NFIA: variants seen among roughly 807,000 people sequenced by gnomAD.
NFIA encodes the protein nuclear factor I A.
In NFIA, 8 loss-of-function variants were observed where a neutral mutation model predicts 62.8. The ratio of observed to expected loss-of-function variants is 0.13; its 90% CI spans 0.07 to 0.23. The LOEUF is 0.23. Among genes scored for constraint, NFIA ranks in the 10% least tolerant of loss-of-function variants. NFIA has a pLI of 1.00. For missense variants in NFIA, 410 were observed against 642.1 expected, an observed-to-expected ratio of 0.64 and a Z score of 3.91; for synonymous variants, 235 against 238.1, an observed-to-expected ratio of 0.99 and a Z score of 0.12.
chr1:61,448,981 T>C (rs72917833), intron 10 of NFIA, among the ~76,000 whole-genome samples: 2,207 of 152,304 alleles, frequency 0.014, 50 homozygotes, highest in African/African-American at 0.05. Context: ...ATTAGTGTTT[T>C]CCCGTCTTGA....
chr1:61,132,361 A>G (rs1007103981), intron 2 of NFIA, among the ~76,000 whole-genome samples: 1 of 152,218 alleles, frequency 6.6e-6, no homozygotes, highest in Non-Finnish European at 1.5e-5. Context: ...GACTTCCACC[A>G]TCAGTTTCAG....
chr1:61,196,941 G>GCA (rs2100583306), intron 2 of NFIA, among the ~76,000 whole-genome samples: 1 of 129,502 alleles, frequency 7.7e-6, no homozygotes, highest in African/African-American at 3.1e-5. Flanking sequence ...GTGTGTGTGT[G>GCA]CGCGCGCGCG....
intron 2 of NFIA, among the ~76,000 whole-genome samples, chr1:61,142,443 G>A (rs1422599697): frequency 6.6e-6 from 1 of 152,124 alleles, no homozygotes; most frequent in Admixed American, 6.6e-5. Flanking sequence ...CTTACAAGAA[G>A]CATATTTCAG....
chr1:61,462,024 G>GTTTTTTTTTTTTTTTTTTGTT lies in NFIA; in HGVS notation c.*6723_*6724insTTTTTTTTTTTTTTTTTTTTG, dbSNP rs1668554989. The GTTTTTTTTTTTTTTTTTTGTT allele has an allele frequency of 5.5e-5, 4 of 73,206 alleles. No homozygotes were observed. Among genetic ancestry groups the GTTTTTTTTTTTTTTTTTTGTT allele is most frequent in the African/African-American group, 1.3e-4 (2 of 14,896 alleles). 4.5% of individuals were successfully genotyped at this position (73,206 alleles called of 1,614,324 possible). A position where few individuals can be genotyped will look rare whatever the true frequency, so the allele number is the denominator to read the frequency against. On this transcript the variant is annotated 3_prime_UTR_variant, in exon 11 of 11. Coordinates refer to ENST00000403491, the MANE Select transcript of NFIA (RefSeq NM_001134673.4). ...ATAGTCTGTAAGTTAGCCTTTTTGG[G>GTTTTTTTTTTTTTTTTTTGTT]TTTTTTTTTTTTTTTTTTGGCTTTT...
chr1:61,315,713 C>A (rs1400616307), intron 3 of NFIA, among the ~76,000 whole-genome samples: 1 of 152,114 alleles, frequency 6.6e-6, no homozygotes, highest in East Asian at 1.9e-4. Flanking sequence ...CATTATGTAG[C>A]CTGTTGTTGC....
At chr1:61,099,406 C>T (rs901558834) in intron 2 of NFIA, among the ~76,000 whole-genome samples, 1 of 152,130 alleles carries the variant, frequency 6.6e-6, no homozygotes, top group Non-Finnish European at 1.5e-5. Context: ...CAGCATTAAC[C>T]ATTCATTTTG....
chr1:61,189,446 C>G (rs1242858641), intron 2 of NFIA, among the ~76,000 whole-genome samples: 1 of 152,126 alleles, frequency 6.6e-6, no homozygotes, highest in Non-Finnish European at 1.5e-5. Context: ...GTGGGCTGAT[C>G]ATGAGGTCAG....
intron 2 of NFIA, chr1:61,250,098 A>G (rs1655929304): frequency 6.6e-6 from 1 of 152,188 alleles, no homozygotes; most frequent in Non-Finnish European, 1.5e-5. Flanking sequence ...TGCTGGGTGC[A>G]AGGTACGGTT....
chr1:61,186,060 A>G (rs552242383), intron 2 of NFIA, among the ~76,000 whole-genome samples: 94 of 152,238 alleles, frequency 6.2e-4, no homozygotes, highest in African/African-American at 2.1e-3. Flanking sequence ...AAAATATTTC[A>G]TTTACCTTAA....
intron 8 of NFIA, among the ~76,000 whole-genome samples, chr1:61,404,735 T>C (rs1035630963): frequency 2.6e-5 from 4 of 152,238 alleles, no homozygotes; most frequent in Non-Finnish European, 4.4e-5. Context: ...TGTAACACTT[T>C]AGATCAAGTT....
chr1:61,462,659 T>C lies in NFIA; in HGVS notation c.*7339T>C, dbSNP rs1331364773. On this transcript the variant is annotated 3_prime_UTR_variant, in exon 11 of 11. Coordinates refer to ENST00000403491, the MANE Select transcript of NFIA (RefSeq NM_001134673.4). ...AATCTCCACAGGTTTTTTGAGCTGG[T>C]GTGGATTAGTTTAACTCTTGTATTC... 6.6e-6 allele frequency: 1 copy of C among 152,362 alleles called. No homozygotes were observed. Among genetic ancestry groups the C allele is most frequent in the East Asian group, 1.9e-4 (1 of 5,192 alleles). The allele number at this position is 152,362 out of a possible 1,614,324, so 9.4% of individuals were successfully genotyped here.
chr1:61,235,394 C>T (rs942417682), intron 2 of NFIA, among the ~76,000 whole-genome samples: 74 of 151,168 alleles, frequency 4.9e-4, no homozygotes, highest in Non-Finnish European at 8.6e-4. Context: ...ACCCGGGAGG[C>T]GGAGGTTGCA....
chr1:61,348,317 G>C (rs1310936376), intron 4 of NFIA, among the ~76,000 whole-genome samples: 1 of 152,120 alleles, frequency 6.6e-6, no homozygotes, highest in African/African-American at 2.4e-5. Context: ...GCAGAGTTTG[G>C]GTCTGTGAAT....
intron 9 of NFIA, among the ~76,000 whole-genome samples, chr1:61,414,878 T>C (rs1328715206): frequency 6.6e-6 from 1 of 152,218 alleles, no homozygotes; most frequent in Non-Finnish European, 1.5e-5. Context: ...TACAGCTCTG[T>C]GAATGTTAAT....
chr1:61,157,706 C>T (rs1034090908), intron 2 of NFIA, among the ~76,000 whole-genome samples: 1 of 152,146 alleles, frequency 6.6e-6, no homozygotes, highest in Non-Finnish European at 1.5e-5. Context: ...GCCCACTTTC[C>T]CTTGTTTTAA....
chr1:61,176,112 A>G (rs1215881738), intron 2 of NFIA, among the ~76,000 whole-genome samples: 1 of 152,152 alleles, frequency 6.6e-6, no homozygotes, highest in Admixed American at 6.5e-5. Context: ...GTGTTCCAGC[A>G]GTTGTGCCTA....
chr1:61,299,187 G>T (rs930143591), intron 3 of NFIA, among the ~76,000 whole-genome samples: 1 of 152,104 alleles, frequency 6.6e-6, no homozygotes, highest in African/African-American at 2.4e-5. Flanking sequence ...TTCCCATCCG[G>T]TATCAAGAGG....
At chr1:61,239,761 G>A (rs892697414) in intron 2 of NFIA, among the ~76,000 whole-genome samples, 6 of 152,076 alleles carry the variant, frequency 3.9e-5, no homozygotes, top group Non-Finnish European at 8.8e-5. Flanking sequence ...TAATATTTAA[G>A]AAGGAACACT....
chr1:61,266,103 C>A (rs1657146324), intron 2 of NFIA, among the ~76,000 whole-genome samples: 1 of 152,132 alleles, frequency 6.6e-6, no homozygotes, highest in African/African-American at 2.4e-5. Context: ...TTGCTGAACA[C>A]CTAACCCTCA....
Sources: allele counts gnomAD v4.1 joint callset (sites outside exome capture counted in the v4.1 genomes callset), GRCh38; gene constraint gnomAD v4.1.1; transcripts MANE v1.5; gene names NCBI Gene and HGNC (gene_info 2026-07-23, HGNC 2026-07-21).